TRIM22: variants seen among roughly 807,000 people sequenced by gnomAD.
The protein encoded by TRIM22 is E3 ubiquitin-protein ligase TRIM22.
TRIM22 carries 45 observed loss-of-function variants against 53.6 expected under a neutral mutation model. The observed-to-expected ratio is 0.84, with a 90% confidence interval of 0.66 to 1.08. The LOEUF (loss-of-function observed/expected upper bound fraction) is 1.08. Among genes scored for constraint, TRIM22 ranks in the 50% least tolerant of loss-of-function variants. The pLI, the probability that TRIM22 is intolerant of heterozygous loss-of-function variation, is 0.00. For synonymous variants in TRIM22, 225 were observed against 216.6 expected, an observed-to-expected ratio of 1.04 and a Z score of -0.34; for missense variants, 616 against 590.9, an observed-to-expected ratio of 1.04 and a Z score of -0.44.
chr11:5,697,747 A>G (rs201832734), intron 3 of TRIM22: 1 of 177,484 alleles, frequency 5.6e-6, no homozygotes, highest in Non-Finnish European at 1.2e-5. Flanking sequence ...TCTGTCATAC[A>G]GGCTGGAGTG....
intron 5 of TRIM22, among the ~76,000 whole-genome samples, chr11:5,707,065 T>A (rs1270925402): frequency 6.6e-6 from 1 of 152,222 alleles, no homozygotes; most frequent in Non-Finnish European, 1.5e-5. Context: ...GAAAAATAGA[T>A]TCAAGTCTTG....
At chr11:5,697,516 A>G in intron 3 of TRIM22, 173 bp downstream of exon 3, 1 of 511,896 alleles carries the variant, frequency 2.0e-6, no homozygotes, top group Non-Finnish European at 3.5e-6. Flanking sequence ...GCTGGAGAGT[A>G]GACATATCAT....
chr11:5,698,538 T>C lies in TRIM22; in HGVS notation c.743T>C (p.Met248Thr). Residue 248 changes from methionine (M) to threonine (T), a missense_variant, in exon 4 of 8, where the codon ATG (methionine) becomes ACG (threonine). Physicochemically the swap from Met to Thr is moderately conservative, Grantham distance 81. Transcript: ENST00000379965. ...AGGTTGAGGGGATCGTCAGTAGAGATGCTGCAGGTAAGACTTGGGATGGAG... is the reference window on the plus strand; with the variant it reads ...AGGTTGAGGGGATCGTCAGTAGAGACGCTGCAGGTAAGACTTGGGATGGAG... ...QRRLRGSSVEMLQDVIDVMKR... is the reference protein window; with the variant it reads ...QRRLRGSSVETLQDVIDVMKR... The C allele has an allele frequency of 1.9e-6, 3 of 1,612,098 alleles. No individual in the cohort carries two copies. The highest frequency in any genetic ancestry group is 1.7e-6 in the Non-Finnish European group (2 of 1,178,712).
chr11:5,690,539 C>T lies in TRIM22; in HGVS notation c.-67+640C>T, dbSNP rs142052212. The stretch of plus-strand genomic sequence containing the variant: ...AAGGAATGTGAGTTGGTACTGATAA[C>T]GCCTGGTACTGTGACATGTCTAGGC... On this transcript the variant is annotated intron_variant, in intron 1 of 7. Transcript: ENST00000379965. Among the ~76,000 whole-genome samples the T allele has an allele frequency of 1.5e-4, 23 of 152,148 alleles. No individual in the cohort carries two copies. In the South Asian group the frequency reaches 3.3e-3, roughly 22 times the overall value.
In TRIM22 at chr11:5,709,146, A is replaced by G. The variant is rs573367770; in HGVS notation, c.995A>G (p.Lys332Arg). 6.2e-7 allele frequency: 1 copy of G among 1,614,224 alleles called. No individual in the cohort carries two copies. The highest frequency in any genetic ancestry group is 1.7e-5 in the Admixed American group (1 of 60,024). ...AAAACTGTACGCACCTGCACATTTAAGAATTCAAATCCATGTGATTTTTCT... is the reference window on the plus strand; with the variant it reads ...AAAACTGTACGCACCTGCACATTTAGGAATTCAAATCCATGTGATTTTTCT... ...QVKTVRTCTF[K>R]NSNPCDFSAF... The change falls in exon 8 of 8, where the codon AAG becomes AGG. Residue 332 changes from lysine (K) to arginine (R), a missense_variant. By Grantham distance (26) the Lys-to-Arg change is conservative. Coordinates refer to ENST00000379965, the MANE Select transcript of TRIM22 (RefSeq NM_006074.5).
intron 1 of TRIM22, among the ~76,000 whole-genome samples, chr11:5,695,492 C>T (rs4910574): frequency 0.43 from 64,621 of 151,436 alleles, 14,062 homozygotes; most frequent in Non-Finnish European, 0.47. Flanking sequence ...TTTTTATCAA[C>T]TGATTAAAAA....
intron 2 of TRIM22, 38 bp from the exon 3 acceptor site, chr11:5,697,210 G>A (rs1294758344): frequency 2.0e-6 from 3 of 1,506,466 alleles, no homozygotes; most frequent in Non-Finnish European, 2.7e-6. Flanking sequence ...TGCTGAGAAA[G>A]CTCATAACTT....
At chr11:5,700,435 T>A (rs1853353729) in intron 4 of TRIM22, among the ~76,000 whole-genome samples, 1 of 152,030 alleles carries the variant, frequency 6.6e-6, no homozygotes, top group Non-Finnish European at 1.5e-5. Context: ...ATAGTTTTTA[T>A]TTGTCTTTGC....
intron 1 of TRIM22, among the ~76,000 whole-genome samples, chr11:5,692,876 CTT>C (rs376485434): frequency 9.0e-5 from 12 of 132,916 alleles, no homozygotes; most frequent in African/African-American, 2.5e-4. Context: ...TTAATTTAAT[CTT>C]TTTTTTTTTT....
chr11:5,708,129 A>C (rs1361371450), intron 5 of TRIM22, 44 bp from the exon 6 acceptor site: 2 of 1,473,914 alleles, frequency 1.4e-6, no homozygotes, highest in South Asian at 2.3e-5. Flanking sequence ...GATGGAGAGA[A>C]ATAGGGCAAA....
intron 4 of TRIM22, among the ~76,000 whole-genome samples, chr11:5,699,105 T>G (rs1046812562): frequency 6.6e-6 from 1 of 152,266 alleles, no homozygotes; most frequent in Non-Finnish European, 1.5e-5. Context: ...GTTTATGTAT[T>G]CACCAGTTGG....
In TRIM22 at chr11:5,693,186, C is replaced by T. The variant is rs1444161508; in HGVS notation, c.-66-2981C>T. Among the ~76,000 whole-genome samples the T allele has an allele frequency of 1.4e-4, 12 of 87,760 alleles. No individual in the cohort carries two copies. The East Asian group carries it at 3.4e-3, about 25-fold the overall frequency. 57.6% of individuals were successfully genotyped at this position (87,760 alleles called of 152,430 possible). A position where few individuals can be genotyped will look rare whatever the true frequency, so the allele number is the denominator to read the frequency against. On this transcript the variant is annotated intron_variant, in intron 1 of 7. Coordinates refer to ENST00000379965, the MANE Select transcript of TRIM22 (RefSeq NM_006074.5). ...ACAGGCTTGAGCCACAGCGCCTGGC[C>T]ATCTTTTTTTTTTTTTTTTTTTTGA...
At chr11:5,700,501 A>G (rs1425628761) in intron 4 of TRIM22, among the ~76,000 whole-genome samples, 1 of 145,614 alleles carries the variant, frequency 6.9e-6, no homozygotes, top group African/African-American at 2.5e-5. Flanking sequence ...GGATGGTGAG[A>G]GGGGATATCC....
chr11:5,698,445 C>T lies in TRIM22; in HGVS notation c.650C>T (p.Ala217Val), dbSNP rs1226033317. 1.9e-6 allele frequency: 3 copies of T among 1,614,142 alleles called. No individual in the cohort carries two copies. Among genetic ancestry groups the T allele is most frequent in the South Asian group, 2.2e-5 (2 of 91,084 alleles). Residue 217 changes from alanine (A) to valine (V), a missense_variant, in exon 4 of 8, where the codon GCA becomes GTA. Transcript: ENST00000379965. ...GAGGTGAATGTGCTGGATAACCTGGCAGCAGCTACAGACCAGCTGGTCCAG... is the reference window on the plus strand; with the variant it reads ...GAGGTGAATGTGCTGGATAACCTGGTAGCAGCTACAGACCAGCTGGTCCAG... ...EGEVNVLDNL[A>V]AATDQLVQQR...
In TRIM22 at chr11:5,696,757, G is replaced by C. The variant is rs1391936237; in HGVS notation, c.423+102G>C. ...CTGCTTTATTCCCCTTGTCACCATA[G>C]AACGGAGAGCCCTGTGATCTCTTTC... On this transcript the variant is annotated intron_variant, in intron 2 of 7. Transcript: ENST00000379965. 3 of 1,252,548 alleles carry C rather than the reference G, an allele frequency of 2.4e-6. No homozygotes were observed. In the East Asian group the frequency reaches 7.1e-5, roughly 30 times the overall value. 77.6% of individuals were successfully genotyped at this position (1,252,548 alleles called of 1,614,324 possible).
intron 1 of TRIM22, among the ~76,000 whole-genome samples, chr11:5,691,767 G>A (rs1498555): frequency 6.6e-6 from 1 of 151,880 alleles, no homozygotes; most frequent in Non-Finnish European, 1.5e-5. Flanking sequence ...CGATCTTATC[G>A]CTGAGCATTT....
chr11:5,696,837 T>G, intron 2 of TRIM22, 182 bp downstream of exon 2: 1 of 650,464 alleles, frequency 1.5e-6, no homozygotes, highest in Non-Finnish European at 2.5e-6. Flanking sequence ...CATTGTTTTA[T>G]TTAAAAAAGA....
intron 4 of TRIM22, among the ~76,000 whole-genome samples, chr11:5,698,849 T>C (rs550969735): frequency 8.9e-4 from 135 of 152,328 alleles, no homozygotes; most frequent in Admixed American, 1.6e-3. Context: ...CAAAAACATT[T>C]CTCATGCCTG....
chr11:5,695,203 C>T (rs572539346), intron 1 of TRIM22, among the ~76,000 whole-genome samples: 2 of 152,256 alleles, frequency 1.3e-5, no homozygotes, highest in South Asian at 2.1e-4. Flanking sequence ...CAGTGAGTGA[C>T]AGTACTGGTG....
Sources: gnomAD v4.1 joint callset for allele counts (sites outside exome capture counted in the v4.1 genomes callset) on GRCh38, gnomAD v4.1.1 for gene constraint, MANE v1.5 for transcripts, NCBI Gene and HGNC (gene_info 2026-07-23, HGNC 2026-07-21) for gene names.